NEDD4L: variants seen among roughly 807,000 people sequenced by gnomAD.
The protein encoded by NEDD4L is NEDD4 like E3 ubiquitin protein ligase.
A neutral mutation model predicts 148.9 loss-of-function variants in NEDD4L; 54 were observed. The ratio of observed to expected loss-of-function variants is 0.36; its 90% confidence interval spans 0.29 to 0.45. The LOEUF (loss-of-function observed/expected upper bound fraction) is 0.45. Ranked by LOEUF, NEDD4L falls within the 20% of genes least tolerant of loss-of-function variation. The pLI is 1.00. For synonymous variants in NEDD4L, 433 were observed against 440.7 expected, an observed-to-expected ratio of 0.98 and a Z score of 0.22; for missense variants, 856 against 1,233.8, an observed-to-expected ratio of 0.69 and a Z score of 4.59.
At chr18:58,127,452 T>C (rs927176085) in intron 1 of NEDD4L, among the ~76,000 whole-genome samples, 7 of 151,916 alleles carry the variant, frequency 4.6e-5, no homozygotes, top group Admixed American at 4.6e-4. Context: ...ACACCTGTAA[T>C]CTCCACACTG....
chr18:58,349,687 G>T (rs1324284323), intron 17 of NEDD4L, 73 bp downstream of exon 17: 21 of 1,195,600 alleles, frequency 1.8e-5, no homozygotes, highest in Non-Finnish European at 2.5e-5. Flanking sequence ...TGATGGAGAG[G>T]CCCTGTGGAC....
At chr18:58,103,211 A>C (rs896222649) in intron 1 of NEDD4L, among the ~76,000 whole-genome samples, 1 of 148,360 alleles carries the variant, frequency 6.7e-6, no homozygotes, top group Non-Finnish European at 1.5e-5. Flanking sequence ...GTAATGCTTA[A>C]ATTACATATA....
chr18:58,267,210 A>T (rs1225172237), intron 5 of NEDD4L, among the ~76,000 whole-genome samples: 1 of 152,054 alleles, frequency 6.6e-6, no homozygotes, highest in East Asian at 1.9e-4. Context: ...GTTACTTTTA[A>T]AATGTCTCAA....
chr18:58,390,255 G>A (rs764870910), intron 28 of NEDD4L: 11 of 159,564 alleles, frequency 6.9e-5, no homozygotes, highest in Non-Finnish European at 1.4e-4. Context: ...TCTAGGGAAC[G>A]TGTCTACAAT....
In NEDD4L at chr18:58,074,434, ATTTTTTTT is replaced by A. The variant is rs544878321; in HGVS notation, c.48+29739_48+29746del. ...CCACCATGCCTGGCTAATTTTTTGT[ATTTTTTTT>A]TTTTTTTTTTTTAATAGAGTTGGGG... is the stretch of plus-strand genomic sequence containing the variant. On this transcript the variant is annotated intron_variant, in intron 1 of 30. Transcript: ENST00000400345. Among the ~76,000 whole-genome samples the A allele has an allele frequency of 5.4e-5, 6 of 111,758 alleles. 1 individual carries two copies. Among genetic ancestry groups the A allele is most frequent in the African/African-American group, 1.3e-4 (4 of 31,492 alleles). 73.3% of individuals were successfully genotyped at this position (111,758 alleles called of 152,430 possible). A position where few individuals can be genotyped will look rare whatever the true frequency, so the allele number is the denominator to read the frequency against.
chr18:58,354,884 T>C (rs564204479), intron 18 of NEDD4L, among the ~76,000 whole-genome samples: 1 of 152,278 alleles, frequency 6.6e-6, no homozygotes, highest in East Asian at 1.9e-4. Context: ...CTGAGTAGGA[T>C]TGAGGCAGTC....
At chr18:58,085,117 G>A (rs1353409677) in intron 1 of NEDD4L, among the ~76,000 whole-genome samples, 6 of 152,182 alleles carry the variant, frequency 3.9e-5, no homozygotes, top group African/African-American at 1.2e-4. Flanking sequence ...CTTCTTTAAA[G>A]TCCCAGTCTC....
chr18:58,064,189 C>T (rs2082485900), intron 1 of NEDD4L, among the ~76,000 whole-genome samples: 1 of 151,966 alleles, frequency 6.6e-6, no homozygotes, highest in Non-Finnish European at 1.5e-5. Flanking sequence ...TGGTCTTGAT[C>T]TCCTGACTTC....
Position 58,348,326 on chromosome 18 carries a change from C to CTTTTTTTTTTTTTTT in NEDD4L, c.1576-1202_1576-1188dup, listed in dbSNP as rs771263533. ...CACTGCATTTCTTTTTCTTTTTTTT[C>CTTTTTTTTTTTTTTT]TTTTTTTTTTTTTTTTTTTTTTTGA... is the stretch of plus-strand genomic sequence containing the variant. On this transcript the variant is annotated intron_variant, in intron 16 of 30. Transcript: ENST00000400345. Among the ~76,000 whole-genome samples, 655 of 88,626 alleles carry CTTTTTTTTTTTTTTT rather than the reference C, an allele frequency of 7.4e-3. 17 individuals are homozygous for CTTTTTTTTTTTTTTT. The highest frequency in any genetic ancestry group is 0.015 in the African/African-American group (283 of 18,522). 58.1% of individuals were successfully genotyped at this position (88,626 alleles called of 152,430 possible).
At chr18:58,130,192 G>A (rs559101660) in intron 1 of NEDD4L, among the ~76,000 whole-genome samples, 26 of 148,044 alleles carry the variant, frequency 1.8e-4, no homozygotes, top group Admixed American at 1.0e-3. Context: ...CTGTGGCGGT[G>A]TTGGGCTCTG....
At chr18:58,227,133 T>G (rs1487358051) in intron 2 of NEDD4L, among the ~76,000 whole-genome samples, 1 of 152,282 alleles carries the variant, frequency 6.6e-6, no homozygotes, top group East Asian at 1.9e-4. Context: ...CACTGTGAAC[T>G]TTAGTAATTT....
chr18:58,196,698 TTC>T (rs141781416), intron 2 of NEDD4L, among the ~76,000 whole-genome samples: 7 of 134,064 alleles, frequency 5.2e-5, no homozygotes, highest in Non-Finnish European at 4.7e-5. Flanking sequence ...TACTTTTCTG[TTC>T]TCTCTCTCTC....
At chr18:58,143,454 C>T (rs1280904909) in intron 1 of NEDD4L, among the ~76,000 whole-genome samples, 1 of 152,224 alleles carries the variant, frequency 6.6e-6, no homozygotes, top group Non-Finnish European at 1.5e-5. Flanking sequence ...TTTATTTCTG[C>T]ATTTCTCCCT....
chr18:58,304,299 A>G (rs973351330), intron 5 of NEDD4L, among the ~76,000 whole-genome samples: 19 of 150,448 alleles, frequency 1.3e-4, no homozygotes, highest in African/African-American at 4.7e-4. Flanking sequence ...TGGGAGGATC[A>G]CTTAAGCCCA....
At chr18:58,110,310 C>T (rs1221345078) in intron 1 of NEDD4L, among the ~76,000 whole-genome samples, 1 of 152,240 alleles carries the variant, frequency 6.6e-6, no homozygotes, top group Non-Finnish European at 1.5e-5. Context: ...TCTTTAAAGA[C>T]TTGGCCCTGA....
Position 58,319,071 on chromosome 18 carries a change from A to G in NEDD4L, c.348+3039A>G, listed in dbSNP as rs1181758528. Among the ~76,000 whole-genome samples, 4 of 152,248 alleles carry G rather than the reference A, an allele frequency of 2.6e-5. 1 individual carries two copies. The South Asian group carries it at 6.2e-4, about 24-fold the overall frequency. On this transcript the variant is annotated intron_variant, in intron 6 of 30. Coordinates refer to ENST00000400345, the MANE Select transcript of NEDD4L (RefSeq NM_001144967.3). The stretch of plus-strand genomic sequence containing the variant: ...ACATCCTTTTACCCCTTTTGTGTTT[A>G]TGGCTGATGGCTGGTAGCAGGTAGC...
At chr18:58,280,172 A>C (rs2052801888) in intron 5 of NEDD4L, among the ~76,000 whole-genome samples, 1 of 152,198 alleles carries the variant, frequency 6.6e-6, no homozygotes, top group Admixed American at 6.5e-5. Context: ...CCTCCTGAGC[A>C]GCCACTGCAC....
intron 5 of NEDD4L, among the ~76,000 whole-genome samples, chr18:58,283,321 C>T (rs1208048403): frequency 6.6e-6 from 1 of 152,148 alleles, no homozygotes; most frequent in Non-Finnish European, 1.5e-5. Context: ...GGTGATCCAC[C>T]CGCCTCGGCC....
chr18:58,216,196 G>T (rs2043142654), intron 2 of NEDD4L, among the ~76,000 whole-genome samples: 1 of 152,136 alleles, frequency 6.6e-6, no homozygotes, highest in African/African-American at 2.4e-5. Flanking sequence ...TTTGGGGGAG[G>T]AGTGTTCGTA....
Sources: allele counts gnomAD v4.1 joint callset (sites outside exome capture counted in the v4.1 genomes callset), GRCh38; gene constraint gnomAD v4.1.1; transcripts MANE v1.5; gene names NCBI Gene and HGNC (gene_info 2026-07-23, HGNC 2026-07-21).